The following TNIK variants were observed in gnomAD, a reference collection of about 807,000 sequenced individuals.
TNIK encodes the protein TRAF2 and NCK interacting kinase.
A neutral mutation model predicts 191.3 loss-of-function variants in TNIK; 49 were observed. The ratio of observed to expected loss-of-function variants is 0.26; its 90% confidence interval spans 0.20 to 0.32. The LOEUF (loss-of-function observed/expected upper bound fraction) is 0.32, where lower values mean the gene tolerates loss of function less well. Ranked by LOEUF, TNIK falls within the 10% of genes least tolerant of loss-of-function variation. The pLI is 1.00. For missense variants in TNIK, 1,155 were observed against 1,702.3 expected, an observed-to-expected ratio of 0.68 and a Z score of 5.66; for synonymous variants, 594 against 600.9, an observed-to-expected ratio of 0.99 and a Z score of 0.17.
chr3:171,073,440 A>C (rs1172148814), intron 28 of TNIK, among the ~76,000 whole-genome samples: 2 of 151,992 alleles, frequency 1.3e-5, no homozygotes, highest in Admixed American at 1.3e-4. Context: ...CCTAGGAAAA[A>C]CTCTTCTGGA....
chr3:171,454,880 A>C (rs911700317), intron 1 of TNIK, among the ~76,000 whole-genome samples: 5 of 152,148 alleles, frequency 3.3e-5, no homozygotes, highest in African/African-American at 9.7e-5. Context: ...TTATGTGTCC[A>C]CTCTATCTCC....
intron 2 of TNIK, among the ~76,000 whole-genome samples, chr3:171,241,449 T>C (rs1249480543): frequency 6.6e-6 from 1 of 152,234 alleles, no homozygotes; most frequent in Non-Finnish European, 1.5e-5. Flanking sequence ...TCCTTTCATA[T>C]TGGCCTTGCA....
intron 1 of TNIK, among the ~76,000 whole-genome samples, chr3:171,445,640 C>T (rs1727401806): frequency 6.6e-6 from 1 of 152,110 alleles, no homozygotes; most frequent in Non-Finnish European, 1.5e-5. Context: ...CTCCAAACAC[C>T]ATCTAAATTG....
intron 1 of TNIK, among the ~76,000 whole-genome samples, chr3:171,382,255 C>T (rs1263378287): frequency 1.6e-5 from 2 of 124,760 alleles, no homozygotes; most frequent in Non-Finnish European, 3.1e-5. Context: ...CAGTCTCGCT[C>T]TGTCAGCCAG....
chr3:171,059,620 AATTT>A lies in TNIK; in HGVS notation c.*4257_*4260del, dbSNP rs1717651660. 1.3e-5 allele frequency among the ~76,000 whole-genome samples: 2 copies of A among 152,126 alleles called. No individual in the cohort carries two copies. The highest frequency in any genetic ancestry group is 2.9e-5 in the Non-Finnish European group (2 of 68,018). ...CTGAAAAGTGATCAATTTTACACCC[AATTT>A]ATTTAAGATCCATGAAAGGACAGCT... is the stretch of plus-strand genomic sequence containing the variant. On this transcript the variant is annotated 3_prime_UTR_variant, in exon 33 of 33. Transcript: ENST00000436636.
At chr3:171,216,426 AT>A (rs1741460069) in intron 3 of TNIK, among the ~76,000 whole-genome samples, 1 of 152,190 alleles carries the variant, frequency 6.6e-6, no homozygotes, top group African/African-American at 2.4e-5. Flanking sequence ...TATCTTATTA[AT>A]TTTCATTTTT....
At chr3:171,211,928 C>T (rs1034839707) in intron 3 of TNIK, among the ~76,000 whole-genome samples, 5 of 152,264 alleles carry the variant, frequency 3.3e-5, no homozygotes, top group Admixed American at 6.5e-5. Context: ...GATTTGGAGT[C>T]CACCAACCTG....
intron 1 of TNIK, among the ~76,000 whole-genome samples, chr3:171,373,445 T>C (rs771207089): frequency 6.6e-6 from 1 of 152,208 alleles, no homozygotes; most frequent in Non-Finnish European, 1.5e-5. Flanking sequence ...TCAATGATCT[T>C]ATCTCCAAAT....
chr3:171,169,639 A>C (rs1735046679), intron 9 of TNIK, among the ~76,000 whole-genome samples: 1 of 152,252 alleles, frequency 6.6e-6, no homozygotes, highest in African/African-American at 2.4e-5. Context: ...AATCACATTC[A>C]ATTTAAAAGT....
At chr3:171,094,197 C>T (rs538613281) in intron 22 of TNIK, among the ~76,000 whole-genome samples, 18 of 151,538 alleles carry the variant, frequency 1.2e-4, no homozygotes, top group South Asian at 2.1e-4. Flanking sequence ...TGCAGTGGCG[C>T]GATCTTGACT....
chr3:171,141,650 T>C (rs1026876571), intron 12 of TNIK, among the ~76,000 whole-genome samples: 3 of 151,240 alleles, frequency 2.0e-5, no homozygotes, highest in Admixed American at 6.6e-5. Context: ...AGGCTAGTGA[T>C]GCCAAACATC....
chr3:171,325,994 T>C (rs778089577), intron 2 of TNIK, among the ~76,000 whole-genome samples: 49 of 152,208 alleles, frequency 3.2e-4, no homozygotes, highest in Admixed American at 1.4e-3. Context: ...CTGAGGTCCA[T>C]AATGATGCCC....
intron 2 of TNIK, among the ~76,000 whole-genome samples, chr3:171,247,478 C>T (rs147877280): frequency 5.9e-5 from 9 of 152,018 alleles, no homozygotes; most frequent in African/African-American, 1.2e-4. Flanking sequence ...ACAGAAGACT[C>T]GGGAAAACAT....
chr3:171,148,650 C>T (rs1328299084), intron 12 of TNIK, among the ~76,000 whole-genome samples: 3 of 152,092 alleles, frequency 2.0e-5, no homozygotes, highest in South Asian at 2.1e-4. Flanking sequence ...CCAGTACTCC[C>T]GAGATGATAC....
At chr3:171,179,507 A>G (rs1236070606) in intron 7 of TNIK, among the ~76,000 whole-genome samples, 2 of 151,412 alleles carry the variant, frequency 1.3e-5, no homozygotes, top group African/African-American at 4.9e-5. Context: ...GCTGGAGTGC[A>G]GTGGTGCAAT....
At chr3:171,357,780 G>C (rs535807624) in intron 2 of TNIK, among the ~76,000 whole-genome samples, 4 of 152,172 alleles carry the variant, frequency 2.6e-5, no homozygotes, top group Non-Finnish European at 1.5e-5. Flanking sequence ...TAGCCAACAG[G>C]GGGTGAGGAA....
rs892228154 is a variant in TNIK, at chr3:171,365,477, C to T, written c.123+4143G>A. The stretch of plus-strand genomic sequence containing the variant: ...GATTACAGGCGTGAGCCACCGCGCC[C>T]GGCCCAAAAGTTCTACATTCTTGTG... On this transcript the variant is annotated intron_variant, in intron 2 of 32. Transcript: ENST00000436636. Among the ~76,000 whole-genome samples the T allele has an allele frequency of 1.1e-4, 17 of 151,918 alleles. 1 individual carries two copies. Among genetic ancestry groups the T allele is most frequent in the South Asian group, 1.0e-3 (5 of 4,812 alleles).
intron 1 of TNIK, among the ~76,000 whole-genome samples, chr3:171,452,729 A>AACACACAC (rs10602125): frequency 0.011 from 1,578 of 142,610 alleles, 38 homozygotes; most frequent in African/African-American, 0.037. Context: ...ACACACTCCA[A>AACACACAC]ACACACACAC....
chr3:171,101,609 G>A lies in TNIK; in HGVS notation c.2431C>T (p.Leu811=), dbSNP rs763486669. ...DEDLTALAKE[L]RELRIEETNR... is the part of the protein sequence containing the mutation. ...GTTTCTTCAATCCGGAGTTCTCTTAGTTCTTTGGCTAATGCCGTCAGATCC... is the reference window on the plus strand; with the variant it reads ...GTTTCTTCAATCCGGAGTTCTCTTAATTCTTTGGCTAATGCCGTCAGATCC... The change falls in exon 22 of 33, where the codon CTA becomes TTA. Residue 811 remains leucine, a synonymous_variant. Coordinates refer to ENST00000436636, the MANE Select transcript of TNIK (RefSeq NM_015028.4). 3.3e-5 allele frequency: 54 copies of A among 1,612,834 alleles called. No individual in the cohort carries two copies. Among genetic ancestry groups the A allele is most frequent in the Non-Finnish European group, 4.2e-5 (50 of 1,179,354 alleles).
Sources: allele counts gnomAD v4.1 joint callset (sites outside exome capture counted in the v4.1 genomes callset), GRCh38; gene constraint gnomAD v4.1.1; transcripts MANE v1.5; gene names NCBI Gene and HGNC (gene_info 2026-07-23, HGNC 2026-07-21).